SLC25A24: variants seen among roughly 807,000 people sequenced by gnomAD.
SLC25A24 encodes the protein mitochondrial adenyl nucleotide antiporter SLC25A24.
A neutral mutation model predicts 60.7 loss-of-function variants in SLC25A24; 49 were observed. The observed-to-expected ratio is 0.81, with a 90% CI of 0.64 to 1.02. The LOEUF is 1.02. SLC25A24 is among the 50% of genes least tolerant of loss of function. The pLI is 0.00. For synonymous variants in SLC25A24, 202 were observed against 200.6 expected, an observed-to-expected ratio of 1.01 and a Z score of -0.06; for missense variants, 564 against 586.3, an observed-to-expected ratio of 0.96 and a Z score of 0.39.
intron 2 of SLC25A24, among the ~76,000 whole-genome samples, chr1:108,184,858 T>C (rs534770411): frequency 1.9e-4 from 29 of 152,336 alleles, no homozygotes; most frequent in African/African-American, 7.0e-4. Flanking sequence ...GTTTAACCTG[T>C]TTCTTTAATA....
chr1:108,172,736 CAA>C (rs1647504791), intron 3 of SLC25A24, among the ~76,000 whole-genome samples: 2 of 152,158 alleles, frequency 1.3e-5, no homozygotes, highest in African/African-American at 4.8e-5. Flanking sequence ...GTTTGGGACA[CAA>C]AGAGACAGTG....
At chr1:108,190,574 T>C (rs1648311820) in intron 1 of SLC25A24, among the ~76,000 whole-genome samples, 2 of 152,222 alleles carry the variant, frequency 1.3e-5, no homozygotes, top group Admixed American at 6.5e-5. Context: ...TCTCTTCGTA[T>C]ATTTAGTTTC....
intron 1 of SLC25A24, among the ~76,000 whole-genome samples, chr1:108,191,220 C>T (rs1385012026): frequency 7.2e-6 from 1 of 138,734 alleles, no homozygotes; most frequent in African/African-American, 2.5e-5. Context: ...TTGCTGCAAC[C>T]TCTGCCTCCC....
intron 9 of SLC25A24, among the ~76,000 whole-genome samples, chr1:108,138,561 G>A (rs1679353167): frequency 6.6e-6 from 1 of 152,146 alleles, no homozygotes; most frequent in Non-Finnish European, 1.5e-5. Flanking sequence ...ACAGTGAGGA[G>A]GAATCACAGC....
At chr1:108,145,587 TTA>T (rs1491476850) in intron 7 of SLC25A24, among the ~76,000 whole-genome samples, 1 of 152,082 alleles carries the variant, frequency 6.6e-6, no homozygotes. Context: ...AATTTTTTTT[TTA>T]TAAGGTGTAA....
At chr1:108,164,492 A>G (rs1330804320) in intron 3 of SLC25A24, among the ~76,000 whole-genome samples, 1 of 151,482 alleles carries the variant, frequency 6.6e-6, no homozygotes, top group East Asian at 1.9e-4. Flanking sequence ...TCTATTCAGA[A>G]ATTCAACTTC....
At chr1:108,149,695 G>C (rs1433986272) in intron 6 of SLC25A24, among the ~76,000 whole-genome samples, 1 of 152,180 alleles carries the variant, frequency 6.6e-6, no homozygotes, top group Non-Finnish European at 1.5e-5. Flanking sequence ...GCTGTCACCA[G>C]AGGGACAAGG....
intron 1 of SLC25A24, among the ~76,000 whole-genome samples, chr1:108,198,161 C>T (rs1245468030): frequency 1.3e-5 from 2 of 152,182 alleles, no homozygotes; most frequent in Non-Finnish European, 2.9e-5. Flanking sequence ...GCCTGCGGAA[C>T]TGTGAGCTAA....
chr1:108,143,718 T>TA lies in SLC25A24; in HGVS notation c.931-9dup, dbSNP rs573470876. ...CAGCCTGGTTTTCATAACCTGGATA[T>TA]AAAAAAAAACAAAATATGATTGTTC... is the stretch of plus-strand genomic sequence containing the variant. On this transcript the variant is annotated splice_polypyrimidine_tract_variant and intron_variant, in intron 7 of 9. Coordinates refer to ENST00000565488, the MANE Select transcript of SLC25A24 (RefSeq NM_013386.5). 1.0e-3 allele frequency: 1,569 copies of TA among 1,569,060 alleles called. No homozygotes were observed. Among genetic ancestry groups the TA allele is most frequent in the African/African-American group, 6.0e-3 (435 of 72,652 alleles).
intron 1 of SLC25A24, 124 bp from the exon 2 acceptor site, chr1:108,186,078 T>G: frequency 1.6e-6 from 1 of 606,114 alleles, no homozygotes; most frequent in Non-Finnish European, 2.7e-6. Context: ...TTTGGCCAGA[T>G]GTATCATCAT....
At chr1:108,149,291 A>G (rs573366528) in intron 6 of SLC25A24, among the ~76,000 whole-genome samples, 1 of 152,316 alleles carries the variant, frequency 6.6e-6, no homozygotes, top group South Asian at 2.1e-4. Flanking sequence ...AAGGGTATAA[A>G]TATGACCCCA....
chr1:108,185,980 T>C, intron 1 of SLC25A24, 26 bp from the exon 2 acceptor site: 3 of 1,521,344 alleles, frequency 2.0e-6, no homozygotes, highest in Non-Finnish European at 2.7e-6. Flanking sequence ...AGAGAGAAGT[T>C]ATTGCCAATA....
intron 1 of SLC25A24, among the ~76,000 whole-genome samples, chr1:108,186,902 C>A (rs990818491): frequency 6.6e-6 from 1 of 151,842 alleles, no homozygotes; most frequent in Non-Finnish European, 1.5e-5. Flanking sequence ...ACATGGAGAA[C>A]CCCCATCTCT....
chr1:108,174,023 C>A (rs1340743301), intron 3 of SLC25A24, among the ~76,000 whole-genome samples: 1 of 152,126 alleles, frequency 6.6e-6, no homozygotes, highest in Non-Finnish European at 1.5e-5. Context: ...CAAATTTGCA[C>A]CCTGATGATG....
At chr1:108,148,427 T>A in intron 6 of SLC25A24, 41 bp from the exon 7 acceptor site, 1 of 1,091,268 alleles carries the variant, frequency 9.2e-7, no homozygotes, top group South Asian at 1.2e-5. Flanking sequence ...CTACCTGCTG[T>A]GGACTGAGCT....
chr1:108,192,380 A>G, intron 1 of SLC25A24: 2 of 685,626 alleles, frequency 2.9e-6, no homozygotes, highest in Non-Finnish European at 4.8e-6. Flanking sequence ...CGACCTGAAC[A>G]CTGCAGTGGG....
rs764192403 is a variant in SLC25A24, at chr1:108,139,185, A to T, written c.1122T>A (p.Asp374Glu). Residue 374 changes from aspartate (D) to glutamate (E), a missense_variant, in exon 9 of 10, where the codon GAT (aspartate) becomes GAA (glutamate). Transcript: ENST00000565488. ...VYELLKSYWL[D>E]NFAKDSVNPG... ...GGTTTACAGAATCTTTTGCAAAATT[A>T]TCCAGCCAATAGGACTTCAAGAGCT... 6.2e-7 allele frequency: 1 copy of T among 1,607,344 alleles called. No homozygotes were observed. Among genetic ancestry groups the T allele is most frequent in the Non-Finnish European group, 8.5e-7 (1 of 1,177,152 alleles).
intron 1 of SLC25A24, among the ~76,000 whole-genome samples, chr1:108,186,978 G>A (rs1249810874): frequency 1.3e-5 from 2 of 151,874 alleles, no homozygotes; most frequent in African/African-American, 4.8e-5. Context: ...TTGGGAGGCT[G>A]AGGCAAAAGA....
intron 2 of SLC25A24, among the ~76,000 whole-genome samples, chr1:108,183,481 T>C (rs1571306433): frequency 6.6e-6 from 1 of 152,288 alleles, no homozygotes; most frequent in Middle Eastern, 3.4e-3. Flanking sequence ...AAAAACAGGG[T>C]TAGGTTCCTG....
Sources: gnomAD v4.1 joint callset for allele counts (sites outside exome capture counted in the v4.1 genomes callset) on GRCh38, gnomAD v4.1.1 for gene constraint, MANE v1.5 for transcripts, NCBI Gene and HGNC (gene_info 2026-07-23, HGNC 2026-07-21) for gene names.